USO1: variants seen among roughly 807,000 people sequenced by gnomAD.
The protein encoded by USO1 is USO1 vesicle transport factor.
USO1 carries 57 observed loss-of-function variants against 124.5 expected under a neutral mutation model. The ratio of observed to expected loss-of-function variants is 0.46; its 90% confidence interval spans 0.37 to 0.57. The LOEUF is 0.57. Among genes scored for constraint, USO1 ranks in the 20% least tolerant of loss-of-function variants. The pLI is 0.00. For synonymous variants in USO1, 369 were observed against 362.8 expected (o/e 1.02, Z -0.19); for missense variants, 900 against 1,040.6 (o/e 0.86, Z 1.86).
Position 75,733,484 on chromosome 4 carries a change from T to C in USO1, c.66+8599T>C, listed in dbSNP as rs577385243. ...ACCTCTCTAACATCTGTTTTTTGTT[T>C]GTTTGTTTTGTCTTTTTAATAATAG... On this transcript the variant is annotated intron_variant, in intron 1 of 23. Transcript: ENST00000514213. Among the ~76,000 whole-genome samples the C allele has an allele frequency of 3.9e-5, 6 of 152,286 alleles. No homozygotes were observed. In the South Asian group the frequency reaches 1.2e-3, roughly 32 times the overall value.
At chr4:75,810,358 T>A in intron 21 of USO1, 74 bp from the exon 22 acceptor site, 1 of 1,438,938 alleles carries the variant, frequency 6.9e-7, no homozygotes, top group Non-Finnish European at 9.2e-7. Flanking sequence ...GGCAAAAAAA[T>A]TAAATAACCC....
chr4:75,735,954 G>A (rs560542948), intron 1 of USO1, among the ~76,000 whole-genome samples: 2 of 151,710 alleles, frequency 1.3e-5, no homozygotes, highest in Non-Finnish European at 2.9e-5. Flanking sequence ...TTTTTTAATT[G>A]ACCAGTTGTT....
intron 9 of USO1, 114 bp downstream of exon 9, chr4:75,782,972 T>C: frequency 7.4e-7 from 1 of 1,348,262 alleles, no homozygotes; most frequent in Non-Finnish European, 9.7e-7. Context: ...TCAGGTTGGC[T>C]TAAAAAAACT....
chr4:75,771,279 A>C (rs1008619783), intron 7 of USO1, 142 bp downstream of exon 7: 124 of 977,732 alleles, frequency 1.3e-4, no homozygotes, highest in Admixed American at 3.0e-5. Flanking sequence ...AAAATTAGTA[A>C]ACAGAGATGG....
intron 3 of USO1, 137 bp from the exon 4 acceptor site, chr4:75,757,360 A>G (rs530442953): frequency 4.6e-5 from 31 of 675,976 alleles, no homozygotes; most frequent in African/African-American, 4.2e-4. Flanking sequence ...CACATTTTTT[A>G]CAGTTTGCAC....
intron 17 of USO1, among the ~76,000 whole-genome samples, chr4:75,802,082 G>A (rs557824515): frequency 1.3e-5 from 2 of 152,154 alleles, no homozygotes; most frequent in African/African-American, 4.8e-5. Context: ...TCAGCCTTCC[G>A]AAATGCTGGG....
At chr4:75,744,834 G>A in intron 1 of USO1, 1 of 419,604 alleles carries the variant, frequency 2.4e-6, no homozygotes, top group South Asian at 1.8e-5. Context: ...TGGACATTAA[G>A]ATACTTCCGA....
chr4:75,767,432 T>C (rs1465114882), intron 4 of USO1: 10 of 445,954 alleles, frequency 2.2e-5, no homozygotes, highest in Non-Finnish European at 4.5e-5. Context: ...TAAACATGCT[T>C]GGCTTTTTCT....
rs1723070561 is a variant in USO1, at chr4:75,809,023, A to G, written c.2447A>G (p.Gln816Arg). 1 of 1,602,980 alleles carries G rather than the reference A, an allele frequency of 6.2e-7. No individual in the cohort carries two copies. Among genetic ancestry groups the G allele is most frequent in the Non-Finnish European group, 8.5e-7 (1 of 1,174,924 alleles). ...ATCACCAAACTACAGACAGAAAAGC[A>G]GGAACTGTTACAGAAAACAGAAGCG... ...VEITKLQTEK[Q>R]ELLQKTEAFA... is the part of the protein sequence containing the mutation. Residue 816 changes from glutamine to arginine, a missense_variant, in exon 21 of 24, where the codon CAG becomes CGG. By Grantham distance (43) the Gln-to-Arg change is conservative. Transcript: ENST00000514213.
intron 22 of USO1, 29 bp downstream of exon 22, chr4:75,810,568 T>C (rs920680173): frequency 1.3e-6 from 2 of 1,574,884 alleles, no homozygotes; most frequent in African/African-American, 1.4e-5. Context: ...TTTTATTTAC[T>C]GCATATGATA....
In USO1 at chr4:75,770,449, C is replaced by A; in HGVS notation, c.306C>A (p.Ser102=). The A allele has an allele frequency of 1.9e-6, 3 of 1,564,516 alleles. No individual in the cohort carries two copies. Among genetic ancestry groups the A allele is most frequent in the South Asian group, 1.2e-5 (1 of 81,514 alleles). ...NEEEEEVEEN[S]TRQSEDLGSQ... is the part of the protein sequence containing the mutation. ...TTTTGAATATTACAGAAGAAAATTC[C>A]ACAAGACAGAGTGAAGATTTGGGAA... is the stretch of plus-strand genomic sequence containing the variant. Residue 102 remains serine, a synonymous_variant, in exon 5 of 24, where the codon TCC becomes TCA. Transcript: ENST00000514213.
intron 1 of USO1, among the ~76,000 whole-genome samples, chr4:75,749,293 A>G (rs142975388): frequency 2.4e-4 from 36 of 152,308 alleles, no homozygotes; most frequent in African/African-American, 7.7e-4. Flanking sequence ...GGGAAATGCT[A>G]TATGTATTTG....
intron 12 of USO1, among the ~76,000 whole-genome samples, chr4:75,791,384 C>T (rs182727102): frequency 9.7e-4 from 147 of 152,180 alleles, no homozygotes; most frequent in African/African-American, 3.3e-3. Flanking sequence ...ATTAGCTGGG[C>T]GTGGTGGCAG....
intron 22 of USO1, among the ~76,000 whole-genome samples, chr4:75,810,804 C>T (rs1431331334): frequency 6.6e-6 from 1 of 152,206 alleles, no homozygotes; most frequent in East Asian, 1.9e-4. Flanking sequence ...GATCTCGGCT[C>T]ACCACAACCT....
At chr4:75,773,360 GAAACTA>G (rs1183545792) in intron 7 of USO1, among the ~76,000 whole-genome samples, 2 of 101,844 alleles carry the variant, frequency 2.0e-5, no homozygotes, top group East Asian at 1.2e-3. Context: ...AAAGAGAAAA[GAAACTA>G]AAATATACTA....
chr4:75,739,812 G>A (rs1720906671), intron 1 of USO1, among the ~76,000 whole-genome samples: 1 of 151,778 alleles, frequency 6.6e-6, no homozygotes, highest in Admixed American at 6.6e-5. Context: ...CAAAGTGCTG[G>A]GATTACAGGC....
Position 75,750,772 on chromosome 4 carries a change from C to T in USO1, c.67-1601C>T, listed in dbSNP as rs1042149555. On this transcript the variant is annotated intron_variant, in intron 1 of 23. Transcript: ENST00000514213. ...TGCTGAGATTACAGGTGTGAGCCACCGTGCCCATTCTACATTTTTCTTTTA... is the reference window on the plus strand; with the variant it reads ...TGCTGAGATTACAGGTGTGAGCCACTGTGCCCATTCTACATTTTTCTTTTA... Among the ~76,000 whole-genome samples the T allele has an allele frequency of 1.5e-3, 222 of 152,216 alleles. 1 individual carries two copies. Among genetic ancestry groups the T allele is most frequent in the African/African-American group, 4.8e-3 (198 of 41,534 alleles).
intron 22 of USO1, among the ~76,000 whole-genome samples, chr4:75,810,980 T>C (rs1203581235): frequency 1.3e-5 from 2 of 152,092 alleles, no homozygotes; most frequent in Non-Finnish European, 2.9e-5. Context: ...CCACCTGCCT[T>C]GGCCTCCCAA....
At chr4:75,775,334 T>C (rs1363466275) in intron 8 of USO1, among the ~76,000 whole-genome samples, 1 of 151,928 alleles carries the variant, frequency 6.6e-6, no homozygotes, top group Non-Finnish European at 1.5e-5. Context: ...AGGCCAGGAG[T>C]TCGAGACCAG....
Sources: gnomAD v4.1 joint callset for allele counts (sites outside exome capture counted in the v4.1 genomes callset) on GRCh38, gnomAD v4.1.1 for gene constraint, MANE v1.5 for transcripts, NCBI Gene and HGNC (gene_info 2026-07-23, HGNC 2026-07-21) for gene names.